The following WSCD2 variants were observed in gnomAD, a reference collection of about 807,000 sequenced individuals.
WSCD2 encodes WSC domain sialate O sulfotransferase 2, also known as sialate:O-sulfotransferase 2.
A neutral mutation model predicts 55.7 loss-of-function variants in WSCD2; 28 were observed. The ratio of observed to expected loss-of-function variants is 0.50; its 90% CI spans 0.37 to 0.69. The LOEUF is 0.69. WSCD2 is among the 30% of genes least tolerant of loss of function. WSCD2 has a pLI of 0.00. For synonymous variants in WSCD2, 301 were observed against 301.9 expected (o/e 1.00, Z 0.03); for missense variants, 616 against 762.1 (o/e 0.81, Z 2.26).
At chr12:108,216,454 C>T (rs980250922) in intron 4 of WSCD2, among the ~76,000 whole-genome samples, 1 of 152,170 alleles carries the variant, frequency 6.6e-6, no homozygotes, top group Non-Finnish European at 1.5e-5. Context: ...CCAGGGAGTA[C>T]CATTCACATA....
At chr12:108,172,435 C>T (rs953566616) in intron 1 of WSCD2, among the ~76,000 whole-genome samples, 1 of 152,156 alleles carries the variant, frequency 6.6e-6, no homozygotes, top group Non-Finnish European at 1.5e-5. Context: ...CCCAAAATTC[C>T]GTGTCCATCT....
At chr12:108,224,914 G>T in intron 5 of WSCD2, 54 bp downstream of exon 5, 1 of 1,585,936 alleles carries the variant, frequency 6.3e-7, no homozygotes, top group Non-Finnish European at 8.5e-7. Flanking sequence ...ATGCAGCAGA[G>T]CTGCAGGAAC....
intron 1 of WSCD2, among the ~76,000 whole-genome samples, chr12:108,181,415 GC>G (rs1365904615): frequency 1.3e-5 from 2 of 152,092 alleles, no homozygotes; most frequent in Non-Finnish European, 2.9e-5. Context: ...ATACAAGACC[GC>G]CCCAGTTCTA....
Position 108,196,091 on chromosome 12 carries a change from C to G in WSCD2, c.259C>G (p.Arg87Gly), listed in dbSNP as rs571473218. 8 of 1,614,088 alleles carry G rather than the reference C, an allele frequency of 5.0e-6. No homozygotes were observed. Among genetic ancestry groups the G allele is most frequent in the Non-Finnish European group, 6.8e-6 (8 of 1,180,024 alleles). Reference protein sequence around the residue: ...RDTGEASSIARRYGPWFKGKD... With the variant: ...RDTGEASSIAGRYGPWFKGKD... ...CACAGGTGAAGCCTCAAGCATTGCT[C>G]GCAGGTACGGACCCTGGTTCAAGGG... Residue 87 changes from arginine (R) to glycine (G), a missense_variant, in exon 2 of 9, where the codon CGC (arginine) becomes GGC (glycine). This residue lies in a region of WSCD2 where 374 missense variants were observed against 467.4 expected (regional missense o/e 0.80). Transcript: ENST00000547525.
intron 3 of WSCD2, among the ~76,000 whole-genome samples, chr12:108,207,362 C>CTTTATTT (rs537388560): frequency 2.0e-5 from 3 of 151,860 alleles, no homozygotes; most frequent in Non-Finnish European, 2.9e-5. Context: ...TCCTGCTGTT[C>CTTTATTT]TTTATTTTTT....
chr12:108,190,908 G>T (rs985510367), intron 1 of WSCD2, among the ~76,000 whole-genome samples: 2 of 152,170 alleles, frequency 1.3e-5, no homozygotes, highest in African/African-American at 2.4e-5. Context: ...CCTGTGGATT[G>T]TCTCATCGAA....
chr12:108,191,767 C>T (rs776086365), intron 1 of WSCD2, among the ~76,000 whole-genome samples: 2 of 152,162 alleles, frequency 1.3e-5, no homozygotes, highest in South Asian at 2.1e-4. Flanking sequence ...CTCCTAGCAC[C>T]GGCAGGATGC....
chr12:108,197,017 C>T (rs1317224246), intron 2 of WSCD2: 1 of 152,196 alleles, frequency 6.6e-6, no homozygotes, highest in East Asian at 1.9e-4. Context: ...GGCCTGAATG[C>T]TCAGTTCTCT....
chr12:108,153,963 G>A (rs1169529274), intron 1 of WSCD2, among the ~76,000 whole-genome samples: 3 of 152,100 alleles, frequency 2.0e-5, no homozygotes, highest in Admixed American at 2.0e-4. Flanking sequence ...TGCTTGCCTT[G>A]ATGCTGCTGG....
At position 108,173,810 on chromosome 12, in the gene WSCD2, C is replaced by CTCTCTGTGTGTGTG. The variant is rs376999073; in HGVS notation, c.-551-21471_-551-21470insCTCTGTGTGTGTGT. Among the ~76,000 whole-genome samples, 447 of 131,224 alleles carry CTCTCTGTGTGTGTG rather than the reference C, an allele frequency of 3.4e-3. 3 individuals carry two copies. Among genetic ancestry groups the CTCTCTGTGTGTGTG allele is most frequent in the African/African-American group, 0.01 (335 of 32,732 alleles). The allele number at this position is 131,224 out of a possible 152,430, so 86.1% of individuals were successfully genotyped here. A position where few individuals can be genotyped will look rare whatever the true frequency, so the allele number is the denominator to read the frequency against. ...TGAGGCAGAGCTGATTCCTGGCTCT[C>CTCTCTGTGTGTGTG]TGTGTGTGTGTGTGTGTGTGTGTGT... On this transcript the variant is annotated intron_variant, in intron 1 of 8. Transcript: ENST00000547525.
At chr12:108,174,642 T>G (rs577307817) in intron 1 of WSCD2, among the ~76,000 whole-genome samples, 7 of 152,280 alleles carry the variant, frequency 4.6e-5, no homozygotes, top group African/African-American at 1.7e-4. Flanking sequence ...AGAGATAGGG[T>G]CTTTCTCTGT....
chr12:108,212,574 G>A (rs550735178), intron 4 of WSCD2, among the ~76,000 whole-genome samples: 3 of 129,398 alleles, frequency 2.3e-5, no homozygotes, highest in Non-Finnish European at 4.9e-5. Flanking sequence ...CTCTTCCGCT[G>A]TCTCTCCACC....
chr12:108,205,255 T>G (rs78087165), intron 2 of WSCD2, among the ~76,000 whole-genome samples: 1 of 152,220 alleles, frequency 6.6e-6, no homozygotes, highest in African/African-American at 2.4e-5. Flanking sequence ...TCCACACATA[T>G]GAACTGTGTT....
At chr12:108,177,248 A>C (rs976915264) in intron 1 of WSCD2, among the ~76,000 whole-genome samples, 5 of 152,134 alleles carry the variant, frequency 3.3e-5, no homozygotes, top group African/African-American at 1.2e-4. Flanking sequence ...TTTTATATAG[A>C]TATATTTTAA....
intron 6 of WSCD2, among the ~76,000 whole-genome samples, chr12:108,227,665 T>C (rs915379077): frequency 6.6e-6 from 1 of 152,184 alleles, no homozygotes; most frequent in Non-Finnish European, 1.5e-5. Context: ...GCTAGCGGAA[T>C]CCACACTTAC....
Position 108,210,364 on chromosome 12 carries a change from A to C in WSCD2, c.682+59A>C. 6.6e-7 allele frequency: 1 copy of C among 1,509,648 alleles called. No individual in the cohort carries two copies. The allele number at this position is 1,509,648 out of a possible 1,614,324, so 93.5% of individuals were successfully genotyped here. A position where few individuals can be genotyped will look rare whatever the true frequency, so the allele number is the denominator to read the frequency against. ...CCTCCCTCAGCTGCAGCCCTTGCCC[A>C]CCAAAGAGTCCCACATGTCTGCCCT... On this transcript the variant is annotated intron_variant, in intron 4 of 8. Transcript: ENST00000547525. This position sits in a 1 kb window ranked among gnomAD's most constrained non-coding sequence, Gnocchi z 4.3.
intron 1 of WSCD2, among the ~76,000 whole-genome samples, chr12:108,192,205 A>G (rs6539415): frequency 0.027 from 4,081 of 152,268 alleles, 178 homozygotes; most frequent in African/African-American, 0.092. Flanking sequence ...AGCATCTCCT[A>G]TGCATCAGGT....
At chr12:108,139,404 A>G (rs1876550927) in intron 1 of WSCD2, among the ~76,000 whole-genome samples, 1 of 152,198 alleles carries the variant, frequency 6.6e-6, no homozygotes, top group African/African-American at 2.4e-5. Context: ...AACAGACCCA[A>G]TGCCTGCACC....
rs537660054 is a variant in WSCD2, at chr12:108,246,515, CA to C, written c.1346-1475del. 1.8e-4 allele frequency among the ~76,000 whole-genome samples: 28 copies of C among 152,288 alleles called. No homozygotes were observed. In the East Asian group the frequency reaches 5.4e-3, roughly 29 times the overall value. ...CCTCTTCTCTGTTCCCAACGCCATC[CA>C]GGTTCCCCTTCTGCACTTTCCCCAG... On this transcript the variant is annotated intron_variant, in intron 8 of 8. Coordinates refer to ENST00000547525, the MANE Select transcript of WSCD2 (RefSeq NM_014653.4).
Sources: allele counts gnomAD v4.1 joint callset (sites outside exome capture counted in the v4.1 genomes callset), GRCh38; gene constraint gnomAD v4.1.1; regional missense constraint gnomAD v4.1.1; non-coding constraint Gnocchi (gnomAD v3.1); transcripts MANE v1.5; gene names NCBI Gene and HGNC (gene_info 2026-07-23, HGNC 2026-07-21).